Variants in PDLIM7 observed in about 807,000 individuals in gnomAD.
PDLIM7 encodes the protein PDZ and LIM domain protein 7.
Under a neutral mutation model 53.9 loss-of-function variants are expected in PDLIM7, and 37 were observed. The observed-to-expected ratio is 0.69, with a 90% CI of 0.53 to 0.90. PDLIM7 has a LOEUF of 0.90. PDLIM7 is among the 40% of genes least tolerant of loss of function. PDLIM7 has a pLI of 0.00. For synonymous variants in PDLIM7, 300 were observed against 261.3 expected, an observed-to-expected ratio of 1.15 and a Z score of -1.43; for missense variants, 617 against 638.5, an observed-to-expected ratio of 0.97 and a Z score of 0.36.
rs2004610 is a variant in PDLIM7 at position 177,488,832 on chromosome 5, G to A, written c.869+561C>T. Among the ~76,000 whole-genome samples, 1,228 of 152,126 alleles carry A rather than the reference G, an allele frequency of 8.1e-3. 17 individuals carry two copies. Among genetic ancestry groups the A allele is most frequent in the African/African-American group, 0.028 (1,165 of 41,490 alleles). ...TTGAACCCAGGAGGCAGAGGTTGCA[G>A]TGAGCCGAGATCGCGCCACTGCACG... On this transcript the variant is annotated intron_variant, in intron 9 of 12. Transcript: ENST00000355841.
chr5:177,484,178 C>T lies in PDLIM7; in HGVS notation c.1063G>A (p.Ala355Thr), dbSNP rs1302029311. 1.5e-5 allele frequency: 25 copies of T among 1,613,490 alleles called. No individual in the cohort carries two copies. Among genetic ancestry groups the T allele is most frequent in the Non-Finnish European group, 1.8e-5 (21 of 1,179,956 alleles). ...KKKITGEIMH[A>T]LKMTWHVHCF... ...TGCACGTGCCAGGTCATCTTCAGGG[C>T]GTGCATGATCTCCTGGAAGGAGGTC... Residue 355 changes from alanine to threonine, a missense_variant, in exon 11 of 13, where the codon GCC becomes ACC. Transcript: ENST00000355841.
intron 2 of PDLIM7, chr5:177,492,878 G>T (rs1044473641): frequency 6.8e-6 from 4 of 586,604 alleles, no homozygotes; most frequent in Non-Finnish European, 9.1e-6. Context: ...CAATTTCCCA[G>T]TCACACTGCT....
intron 5 of PDLIM7, chr5:177,491,497 G>A (rs999250105): frequency 6.8e-5 from 80 of 1,174,052 alleles, no homozygotes; most frequent in Non-Finnish European, 9.5e-5. Flanking sequence ...GACGGGGAGG[G>A]GTCAGAACAG....
chr5:177,484,016 A>G (rs1758312160), intron 11 of PDLIM7, 34 bp from the exon 12 acceptor site: 2 of 1,613,322 alleles, frequency 1.2e-6, no homozygotes, highest in African/African-American at 1.3e-5. Flanking sequence ...GAGGACCTGG[A>G]TTCATGCCTG....
chr5:177,490,749 GGA>G (rs1758721770), intron 7 of PDLIM7, 119 bp downstream of exon 7: 7 of 998,736 alleles, frequency 7.0e-6, no homozygotes, highest in Admixed American at 5.4e-5. Context: ...AAGGAAGGAA[GGA>G]AGGAAGGAAG....
At position 177,497,585 on chromosome 5, in the gene PDLIM7, T is replaced by G. The variant is rs919491098; in HGVS notation, c.-69A>C. The stretch of plus-strand genomic sequence containing the variant: ...CGGGCTCCAGGGAGCCTCGTTGGGA[T>G]CGGCCGCCAGTGTTCTGACCCCGCC... On this transcript the variant is annotated 5_prime_UTR_variant, in exon 1 of 13. Transcript: ENST00000355841. 1 of 152,182 alleles carries G rather than the reference T, an allele frequency of 6.6e-6. No individual in the cohort carries two copies. The highest frequency in any genetic ancestry group is 1.5e-5 in the Non-Finnish European group (1 of 68,068). 9.4% of individuals were successfully genotyped at this position (152,182 alleles called of 1,614,324 possible).
At chr5:177,491,470 CACAGGAGA>C in intron 5 of PDLIM7, 1 of 1,427,610 alleles carries the variant, frequency 7.0e-7, no homozygotes, top group East Asian at 2.5e-5. Context: ...AAGGGACAGA[CACAGGAGA>C]GGAAGAAAGA....
At chr5:177,496,386 G>A in intron 2 of PDLIM7, 31 bp downstream of exon 2, 1 of 1,494,250 alleles carries the variant, frequency 6.7e-7, no homozygotes, top group Middle Eastern at 1.8e-4. Context: ...AAAGACCGCT[G>A]GGGGAGCCCC....
In PDLIM7 at chr5:177,494,982, T is replaced by C. The variant is rs528206318; in HGVS notation, c.96+1435A>G. On this transcript the variant is annotated intron_variant, in intron 2 of 12. Transcript: ENST00000355841. Reference sequence around the variant, plus strand: ...CAACTCCAGGGCTGGGATCAGCTAGTGGCCCCGCCCACATGCCAGGGATGC... The same window carrying C: ...CAACTCCAGGGCTGGGATCAGCTAGCGGCCCCGCCCACATGCCAGGGATGC... The C allele has an allele frequency of 5.4e-4, 82 of 152,390 alleles. 1 individual carries two copies. Among genetic ancestry groups the C allele is most frequent in the African/African-American group, 1.8e-3 (75 of 41,544 alleles). The allele number at this position is 152,390 out of a possible 1,614,324, so 9.4% of individuals were successfully genotyped here. A position where few individuals can be genotyped will look rare whatever the true frequency, so the allele number is the denominator to read the frequency against.
intron 5 of PDLIM7, chr5:177,491,423 G>C: frequency 6.4e-7 from 1 of 1,550,542 alleles, no homozygotes. Context: ...GTCTGCACCT[G>C]TGAAGGAAAT....
intron 2 of PDLIM7, among the ~76,000 whole-genome samples, chr5:177,494,552 C>T (rs1238187114): frequency 3.6e-5 from 4 of 109,774 alleles, no homozygotes; most frequent in Non-Finnish European, 1.8e-5. Flanking sequence ...TAGCTGGCTC[C>T]TGGAGAGGGG....
rs1368002467 is a variant in PDLIM7 at position 177,484,081 on chromosome 5, T to C, written c.1160A>G (p.Tyr387Cys). 1.9e-6 allele frequency: 3 copies of C among 1,613,982 alleles called. No individual in the cohort carries two copies. Among genetic ancestry groups the C allele is most frequent in the East Asian group, 4.5e-5 (2 of 44,870 alleles). Residue 387 changes from tyrosine (Y) to cysteine (C), a missense_variant, in exon 11 of 13, where the codon TAT (tyrosine) becomes TGT (cysteine). Physicochemically the swap from Tyr to Cys is radical, Grantham distance 194 (BLOSUM62 -2). Transcript: ENST00000355841. ...TGGCCAGTGGGTACCTCGCTCGCAA[T>C]AGGGCACGCCCTCCTCCATGTAGAA... The part of the protein sequence containing the change: ...RAFYMEEGVP[Y>C]CERDYEKMFG...
rs367669909 is a variant in PDLIM7, at chr5:177,489,516, G to A, written c.746C>T (p.Pro249Leu). 18 of 1,608,752 alleles carry A rather than the reference G, an allele frequency of 1.1e-5. No individual in the cohort carries two copies. The highest frequency in any genetic ancestry group is 6.7e-5 in the African/African-American group (5 of 74,898). The change falls in exon 9 of 13, where the codon CCG becomes CTG. Residue 249 changes from proline (P) to leucine (L), a missense_variant. Coordinates refer to ENST00000355841, the MANE Select transcript of PDLIM7 (RefSeq NM_005451.5). ...TSTVLTRHSQ[P>L]ATPTPLQSRT... is the part of the protein sequence containing the mutation. ...GCTCTGCAGCGGCGTGGGCGTGGCC[G>A]GCTGGCTGTGCCGGGTCAGCACTGT...
At chr5:177,484,029 C>T in intron 11 of PDLIM7, 41 bp downstream of exon 11, 1 of 1,613,488 alleles carries the variant, frequency 6.2e-7, no homozygotes, top group Non-Finnish European at 8.5e-7. Context: ...CATGCCTGCC[C>T]CATGCACCAT....
intron 2 of PDLIM7, among the ~76,000 whole-genome samples, chr5:177,494,430 C>T (rs1015383174): frequency 6.6e-6 from 1 of 152,168 alleles, no homozygotes; most frequent in Non-Finnish European, 1.5e-5. Context: ...GTGACTTACT[C>T]AAGGTCATGG....
chr5:177,491,801 A>AC lies in PDLIM7; in HGVS notation c.398+5dup. On this transcript the variant is annotated splice_donor_region_variant and intron_variant, in intron 5 of 12. Coordinates refer to ENST00000355841, the MANE Select transcript of PDLIM7 (RefSeq NM_005451.5). ...CGTGGGCGCGGGCGGGCAGGGGCCG[A>AC]CGTACCCATTCTGCTGCGGGGCGCT... 1 of 1,241,974 alleles carries AC rather than the reference A, an allele frequency of 8.1e-7. No individual in the cohort carries two copies. The allele number at this position is 1,241,974 out of a possible 1,614,324, so 76.9% of individuals were successfully genotyped here. A position where few individuals can be genotyped will look rare whatever the true frequency, so the allele number is the denominator to read the frequency against.
chr5:177,486,838 A>T (rs548614232), intron 10 of PDLIM7, among the ~76,000 whole-genome samples: 42 of 145,092 alleles, frequency 2.9e-4, no homozygotes, highest in Non-Finnish European at 4.9e-4. Flanking sequence ...TCACCGTGTT[A>T]GCCAGGATGG....
chr5:177,486,638 C>T (rs1258335987), intron 10 of PDLIM7, among the ~76,000 whole-genome samples: 3 of 152,068 alleles, frequency 2.0e-5, no homozygotes, highest in South Asian at 2.1e-4. Context: ...GCAGATTTCT[C>T]TTTCTTTTTT....
chr5:177,496,310 G>T (rs1581766594), intron 2 of PDLIM7, 107 bp downstream of exon 2: 1 of 759,338 alleles, frequency 1.3e-6, no homozygotes, highest in Non-Finnish European at 2.0e-6. Context: ...ACATCTCCTG[G>T]CCTGCTGGCC....
Sources: allele counts gnomAD v4.1 joint callset (sites outside exome capture counted in the v4.1 genomes callset), GRCh38; gene constraint gnomAD v4.1.1; transcripts MANE v1.5; gene names NCBI Gene and HGNC (gene_info 2026-07-23, HGNC 2026-07-21).